DLGAP2: variants seen among roughly 807,000 people sequenced by gnomAD.
DLGAP2 encodes the protein DLG associated protein 2, also known as disks large-associated protein 2.
Under a neutral mutation model 100.3 loss-of-function variants are expected in DLGAP2, and 26 were observed. The ratio of observed to expected loss-of-function variants is 0.26; its 90% CI spans 0.19 to 0.36. The LOEUF is 0.36. Among genes scored for constraint, DLGAP2 ranks in the 10% least tolerant of loss-of-function variants. The pLI is 1.00. For missense variants in DLGAP2, 1,858 were observed against 1,453.2 expected (o/e 1.28, Z -4.53); for synonymous variants, 886 against 630.1 (o/e 1.41, Z -6.08).
At chr8:1,490,898 T>G (rs932861843) in intron 3 of DLGAP2, among the ~76,000 whole-genome samples, 4 of 150,714 alleles carry the variant, frequency 2.7e-5, no homozygotes, top group African/African-American at 9.7e-5. Flanking sequence ...GGGGGAGGGA[T>G]AGCATTAGGA....
At chr8:1,543,454 C>T (rs531928128) in intron 4 of DLGAP2, among the ~76,000 whole-genome samples, 1 of 152,098 alleles carries the variant, frequency 6.6e-6, no homozygotes, top group African/African-American at 2.4e-5. Context: ...CTATTCTTTC[C>T]CCTCTGGGTG....
chr8:1,426,180 C>T (rs540010313), intron 3 of DLGAP2, among the ~76,000 whole-genome samples: 50 of 152,306 alleles, frequency 3.3e-4, no homozygotes, highest in African/African-American at 1.2e-3. Context: ...CAACTGTGAA[C>T]TGACTTTGTC....
intron 6 of DLGAP2, among the ~76,000 whole-genome samples, chr8:1,582,087 GCACACATACA>G (rs1803293554): frequency 1.3e-5 from 1 of 79,072 alleles, no homozygotes. Flanking sequence ...ACAAAACCCC[GCACACATACA>G]CACCACAGTC....
chr8:1,662,657 C>G (rs1368609989), intron 8 of DLGAP2, among the ~76,000 whole-genome samples: 1 of 152,280 alleles, frequency 6.6e-6, no homozygotes, highest in Non-Finnish European at 1.5e-5. Context: ...AGACTTCCAC[C>G]TTCTCTTCCA....
intron 3 of DLGAP2, among the ~76,000 whole-genome samples, chr8:1,279,855 T>C (rs950502169): frequency 8.5e-5 from 13 of 152,148 alleles, no homozygotes; most frequent in African/African-American, 3.1e-4. Context: ...TTGACCGCCC[T>C]CTGTTGAGTA....
At chr8:769,790 A>T (rs556779713) in intron 1 of DLGAP2, among the ~76,000 whole-genome samples, 1 of 152,112 alleles carries the variant, frequency 6.6e-6, no homozygotes, top group Non-Finnish European at 1.5e-5. Flanking sequence ...TGACAACTCA[A>T]TGGGAACAGA....
chr8:1,334,880 A>G (rs1801238997), intron 3 of DLGAP2, among the ~76,000 whole-genome samples: 1 of 152,048 alleles, frequency 6.6e-6, no homozygotes, highest in South Asian at 2.1e-4. Flanking sequence ...TTTCCTCTGA[A>G]TGTTCTTTCT....
chr8:829,675 A>G (rs914099495), intron 1 of DLGAP2, among the ~76,000 whole-genome samples: 8 of 152,266 alleles, frequency 5.3e-5, no homozygotes, highest in African/African-American at 1.9e-4. Flanking sequence ...TTAACAAACA[A>G]AATGAAGAAA....
At chr8:1,479,041 C>T (rs1224512881) in intron 3 of DLGAP2, among the ~76,000 whole-genome samples, 4 of 152,236 alleles carry the variant, frequency 2.6e-5, no homozygotes, top group African/African-American at 2.4e-5. Flanking sequence ...TCGAAAGGAG[C>T]ACCTGCTTCC....
At chr8:1,352,349 C>G (rs1352703508) in intron 3 of DLGAP2, among the ~76,000 whole-genome samples, 3 of 152,002 alleles carry the variant, frequency 2.0e-5, no homozygotes, top group Non-Finnish European at 2.9e-5. Context: ...CTGTGCTCCT[C>G]CTGTCCCCAG....
At chr8:998,160 A>G (rs1800840761) in intron 2 of DLGAP2, among the ~76,000 whole-genome samples, 1 of 152,210 alleles carries the variant, frequency 6.6e-6, no homozygotes, top group Non-Finnish European at 1.5e-5. Flanking sequence ...ACACACATAC[A>G]CACATGTATA....
rs141912563 is a variant in DLGAP2, at chr8:1,138,962, A to C, written c.74-119889A>C. ...GGCTGGTGGGAAACTCTTCCTGTTT[A>C]TTTACTGGTTCTGGCCTGTGCGGCT... On this transcript the variant is annotated intron_variant, in intron 2 of 14. Transcript: ENST00000637795. Among the ~76,000 whole-genome samples the C allele has an allele frequency of 3.4e-4, 52 of 151,564 alleles. 1 individual carries two copies. The East Asian group carries it at 9.9e-3, about 29-fold the overall frequency.
intron 2 of DLGAP2, among the ~76,000 whole-genome samples, chr8:1,064,933 T>C (rs1040491610): frequency 2.0e-5 from 3 of 152,126 alleles, no homozygotes; most frequent in Admixed American, 6.5e-5. Flanking sequence ...TGGAAGAGCA[T>C]TGCGGTATCA....
At chr8:1,023,900 T>TG (rs1428174813) in intron 2 of DLGAP2, among the ~76,000 whole-genome samples, 6 of 146,850 alleles carry the variant, frequency 4.1e-5, no homozygotes, top group African/African-American at 7.7e-5. Flanking sequence ...TGTGTGTGTG[T>TG]AGTTTGCTTC....
chr8:1,345,099 A>G (rs1801524176), intron 3 of DLGAP2, among the ~76,000 whole-genome samples: 1 of 152,250 alleles, frequency 6.6e-6, no homozygotes, highest in Non-Finnish European at 1.5e-5. Context: ...GGGAACAATT[A>G]GCTTAGCTGC....
chr8:1,572,035 G>C (rs2956923), intron 6 of DLGAP2, among the ~76,000 whole-genome samples: 29,408 of 89,610 alleles, frequency 0.33, 6,504 homozygotes, highest in South Asian at 0.45. Flanking sequence ...AGAGGAGAGA[G>C]GGTGAACTGT....
intron 4 of DLGAP2, among the ~76,000 whole-genome samples, chr8:1,519,140 A>G (rs1800500964): frequency 6.6e-6 from 1 of 152,190 alleles, no homozygotes; most frequent in Non-Finnish European, 1.5e-5. Flanking sequence ...AGGTGTCAGA[A>G]GGGAAGAATA....
At chr8:1,510,806 C>T (rs567791168) in intron 4 of DLGAP2, among the ~76,000 whole-genome samples, 9 of 152,262 alleles carry the variant, frequency 5.9e-5, no homozygotes, top group East Asian at 1.9e-4. Flanking sequence ...TGTCCAAGTC[C>T]AGGAGGTCCA....
intron 2 of DLGAP2, among the ~76,000 whole-genome samples, chr8:929,907 A>T (rs549000434): frequency 1.3e-5 from 2 of 151,850 alleles, no homozygotes; most frequent in East Asian, 3.9e-4. Flanking sequence ...GCACTATAGA[A>T]ATTACTTTGG....
Sources: gnomAD v4.1 joint callset for allele counts (sites outside exome capture counted in the v4.1 genomes callset) on GRCh38, gnomAD v4.1.1 for gene constraint, MANE v1.5 for transcripts, NCBI Gene and HGNC (gene_info 2026-07-23, HGNC 2026-07-21) for gene names.